The following SYNGR1 variants were observed in gnomAD, a reference collection of about 807,000 sequenced individuals.
SYNGR1 encodes the protein synaptogyrin-1.
Under a neutral mutation model 26.1 loss-of-function variants are expected in SYNGR1, and 14 were observed. The observed-to-expected ratio is 0.54, with a 90% CI of 0.35 to 0.84. SYNGR1 has a LOEUF of 0.84. Among genes scored for constraint, SYNGR1 ranks in the 40% least tolerant of loss-of-function variants. The pLI is 0.01. For synonymous variants in SYNGR1, 141 were observed against 150.1 expected (o/e 0.94, Z 0.44); for missense variants, 319 against 332.9 (o/e 0.96, Z 0.33).
intron 1 of SYNGR1, among the ~76,000 whole-genome samples, chr22:39,360,487 T>C (rs1367234427): frequency 6.6e-6 from 1 of 152,132 alleles, no homozygotes; most frequent in African/African-American, 2.4e-5. Flanking sequence ...CCAACTGTCA[T>C]TGATGGATCT....
rs1925612578 is a variant in SYNGR1 at position 39,384,959 on chromosome 22, A to G, written c.*3045A>G. 5.0e-6 allele frequency: 2 copies of G among 398,846 alleles called. No homozygotes were observed. Among genetic ancestry groups the G allele is most frequent in the Non-Finnish European group, 4.4e-6 (1 of 226,148 alleles). The allele number at this position is 398,846 out of a possible 1,614,324, so 24.7% of individuals were successfully genotyped here. On this transcript the variant is annotated 3_prime_UTR_variant, in exon 4 of 4. Coordinates refer to ENST00000328933, the MANE Select transcript of SYNGR1 (RefSeq NM_004711.5). ...AGACTGTCCTGCCTGCACGGCTCCT[A>G]TCCACCTGGGGGTGTCGCAGTTGAG...
At chr22:39,353,166 C>G (rs754817201) in intron 1 of SYNGR1, among the ~76,000 whole-genome samples, 3 of 152,056 alleles carry the variant, frequency 2.0e-5, no homozygotes, top group Non-Finnish European at 2.9e-5. Flanking sequence ...CCGGCCTGGA[C>G]CTGGGATTTT....
At chr22:39,357,298 C>G (rs1027970850) in intron 1 of SYNGR1, among the ~76,000 whole-genome samples, 2 of 152,160 alleles carry the variant, frequency 1.3e-5, no homozygotes, top group African/African-American at 4.8e-5. Context: ...GAGCCATCCC[C>G]TCATGCTTTG....
At chr22:39,371,758 T>C (rs1357058053) in intron 1 of SYNGR1, among the ~76,000 whole-genome samples, 4 of 152,124 alleles carry the variant, frequency 2.6e-5, no homozygotes. Flanking sequence ...GTGCTGGGAT[T>C]ACACACGTGA....
chr22:39,364,964 A>C (rs1924664771), intron 1 of SYNGR1, among the ~76,000 whole-genome samples: 1 of 152,142 alleles, frequency 6.6e-6, no homozygotes, highest in African/African-American at 2.4e-5. Context: ...AGGGCGGAAA[A>C]AAACCAAAGA....
chr22:39,380,571 A>AT (rs917660390), intron 3 of SYNGR1, among the ~76,000 whole-genome samples: 2 of 118,180 alleles, frequency 1.7e-5, no homozygotes, highest in African/African-American at 6.8e-5. Flanking sequence ...GTTTTTGTGG[A>AT]TTTTTTTGGT....
At chr22:39,357,479 CCTTT>C (rs1170291606) in intron 1 of SYNGR1, among the ~76,000 whole-genome samples, 4 of 152,162 alleles carry the variant, frequency 2.6e-5, no homozygotes, top group African/African-American at 9.7e-5. Context: ...TGTGGGAGCC[CCTTT>C]CTGGGCTGGC....
rs1925519421 is a variant in SYNGR1 at position 39,382,103 on chromosome 22, A to G, written c.*189A>G. The stretch of plus-strand genomic sequence containing the variant: ...GGACTGTCTACGTATGTGCAAGTAT[A>G]TCCCAGGGCATGTGCCCCGCAGGGG... On this transcript the variant is annotated 3_prime_UTR_variant, in exon 4 of 4. Transcript: ENST00000328933. 1 of 650,928 alleles carries G rather than the reference A, an allele frequency of 1.5e-6. No individual in the cohort carries two copies. 40.3% of individuals were successfully genotyped at this position (650,928 alleles called of 1,614,324 possible). A position where few individuals can be genotyped will look rare whatever the true frequency, so the allele number is the denominator to read the frequency against.
chr22:39,356,085 G>C (rs768580703), intron 1 of SYNGR1, among the ~76,000 whole-genome samples: 9 of 152,180 alleles, frequency 5.9e-5, no homozygotes, highest in Non-Finnish European at 1.0e-4. Flanking sequence ...GTTTGTTTTT[G>C]AGACAGGGTC....
At chr22:39,371,682 C>G (rs1044189392) in intron 1 of SYNGR1, among the ~76,000 whole-genome samples, 1 of 152,052 alleles carries the variant, frequency 6.6e-6, no homozygotes, top group Non-Finnish European at 1.5e-5. Context: ...GTCCCGGCTA[C>G]TCAGGAGGCT....
intron 1 of SYNGR1, among the ~76,000 whole-genome samples, chr22:39,357,505 C>T (rs1303638125): frequency 6.6e-6 from 1 of 152,218 alleles, no homozygotes; most frequent in African/African-American, 2.4e-5. Flanking sequence ...AAGGCTAGAG[C>T]CCACTCCCTC....
intron 3 of SYNGR1, chr22:39,377,565 C>T (rs756021518): frequency 9.3e-6 from 15 of 1,609,156 alleles, no homozygotes; most frequent in East Asian, 6.7e-5. Context: ...GCAGCTCTTC[C>T]CCACTGGCCT....
rs1040047382 is a variant in SYNGR1 at position 39,350,312 on chromosome 22, C to G, written c.99+203C>G. Among the ~76,000 whole-genome samples the G allele has an allele frequency of 4.6e-5, 7 of 151,928 alleles. No individual in the cohort carries two copies. The highest frequency in any genetic ancestry group is 8.8e-5 in the Non-Finnish European group (6 of 67,912). On this transcript the variant is annotated intron_variant, in intron 1 of 3. Coordinates refer to ENST00000328933, the MANE Select transcript of SYNGR1 (RefSeq NM_004711.5). The surrounding 1 kb of genome is among the most constrained non-coding windows in gnomAD (Gnocchi z 4.3). ...CGGGGCGGGCGGGATCCCTGGTGCTCGCGGGAGACGCCGCTCCGGCTCCCG... is the reference window on the plus strand; with the variant it reads ...CGGGGCGGGCGGGATCCCTGGTGCTGGCGGGAGACGCCGCTCCGGCTCCCG...
chr22:39,364,102 GGGAGA>G, intron 1 of SYNGR1: 1 of 1,602,374 alleles, frequency 6.2e-7, no homozygotes, highest in South Asian at 1.1e-5. Context: ...GTCTGCAGAG[GGGAGA>G]TACCATCTCC....
At chr22:39,351,326 A>G (rs1409081372) in intron 1 of SYNGR1, among the ~76,000 whole-genome samples, 1 of 152,146 alleles carries the variant, frequency 6.6e-6, no homozygotes, top group East Asian at 1.9e-4. Context: ...TGGCTTGGGT[A>G]TGTATCCCTG....
At chr22:39,377,231 AT>A (rs1266725723) in intron 3 of SYNGR1, 1 of 985,120 alleles carries the variant, frequency 1.0e-6, no homozygotes, top group East Asian at 1.1e-4. Flanking sequence ...CTGGATATCC[AT>A]TTTTGAGGGG....
intron 3 of SYNGR1, among the ~76,000 whole-genome samples, chr22:39,378,906 A>G (rs536838941): frequency 2.0e-5 from 3 of 152,358 alleles, no homozygotes; most frequent in Admixed American, 2.0e-4. Context: ...CAGAGAGCTG[A>G]ACACAGAGAC....
At position 39,382,049 on chromosome 22, in the gene SYNGR1, G is replaced by A. The variant is rs551776968; in HGVS notation, c.*135G>A. 7.2e-6 allele frequency: 7 copies of A among 978,568 alleles called. No homozygotes were observed. The highest frequency in any genetic ancestry group is 4.1e-5 in the Admixed American group (2 of 49,180). 60.6% of individuals were successfully genotyped at this position (978,568 alleles called of 1,614,324 possible). On this transcript the variant is annotated 3_prime_UTR_variant, in exon 4 of 4. Coordinates refer to ENST00000328933, the MANE Select transcript of SYNGR1 (RefSeq NM_004711.5). ...GTCCCACTGAGGTCCAGGGTAGCTC[G>A]GGGCAGGGGTGGGGCAGTCCAGTGT... is the stretch of plus-strand genomic sequence containing the variant.
chr22:39,350,775 T>C lies in SYNGR1; in HGVS notation c.99+666T>C, dbSNP rs1923870097. Among the ~76,000 whole-genome samples the C allele has an allele frequency of 6.6e-6, 1 of 152,152 alleles. No individual in the cohort carries two copies. The highest frequency in any genetic ancestry group is 1.5e-5 in the Non-Finnish European group (1 of 68,024). On this transcript the variant is annotated intron_variant, in intron 1 of 3. Transcript: ENST00000328933. This position sits in a 1 kb window ranked among gnomAD's most constrained non-coding sequence, Gnocchi z 4.3. ...TCATCTCCTCTCTCATGCCTCAGTT[T>C]CCCAATTTATAGACAAGGTGGGCGG...
Sources: allele counts gnomAD v4.1 joint callset (sites outside exome capture counted in the v4.1 genomes callset), GRCh38; gene constraint gnomAD v4.1.1; non-coding constraint Gnocchi (gnomAD v3.1); transcripts MANE v1.5; gene names NCBI Gene and HGNC (gene_info 2026-07-23, HGNC 2026-07-21).